Variants in RBFOX1 observed in about 807,000 individuals in gnomAD.
RBFOX1 encodes the protein RNA binding protein fox-1 homolog 1.
In RBFOX1, 8 loss-of-function variants were observed where a neutral mutation model predicts 57.7. The observed-to-expected ratio is 0.14, with a 90% confidence interval of 0.08 to 0.25. The LOEUF (loss-of-function observed/expected upper bound fraction) is 0.25, where lower values mean the gene tolerates loss of function less well. Ranked by LOEUF, RBFOX1 falls within the 10% of genes least tolerant of loss-of-function variation. The pLI, the probability that RBFOX1 is intolerant of heterozygous loss-of-function variation, is 1.00. For missense variants in RBFOX1, 611 were observed against 548.5 expected (o/e 1.11, Z -1.14); for synonymous variants, 326 against 222.4 (o/e 1.47, Z -4.15).
At chr16:5,857,366 G>C in intron 3 of RBFOX1, among the ~76,000 whole-genome samples, 1 of 152,062 alleles carries the variant, frequency 6.6e-6, no homozygotes, top group South Asian at 2.1e-4. Flanking sequence ...AAATATTGCA[G>C]GTATTACCAA....
At position 7,653,993 on chromosome 16, in the gene RBFOX1, C is replaced by G. The variant is rs528417908; in HGVS notation, c.890+46C>G. ...GGTGGGCCTCCCTGCACCAGCCCTCCCTCCCCAGAGGCACGGAGCTGTTTG... is the reference window on the plus strand; with the variant it reads ...GGTGGGCCTCCCTGCACCAGCCCTCGCTCCCCAGAGGCACGGAGCTGTTTG... On this transcript the variant is annotated intron_variant, in intron 12 of 15. Coordinates refer to ENST00000550418, the MANE Select transcript of RBFOX1 (RefSeq NM_018723.4). 5.5e-6 allele frequency: 8 copies of G among 1,448,750 alleles called. No homozygotes were observed. In the African/African-American group the frequency reaches 1.1e-4, roughly 21 times the overall value. 89.7% of individuals were successfully genotyped at this position (1,448,750 alleles called of 1,614,324 possible).
intron 3 of RBFOX1, among the ~76,000 whole-genome samples, chr16:5,755,200 C>T (rs1194553559): frequency 2.3e-5 from 3 of 133,062 alleles, no homozygotes; most frequent in Admixed American, 8.0e-5. Context: ...ACACAGCACA[C>T]GTTTCAGAGA....
chr16:5,730,815 G>A (rs531799352), intron 3 of RBFOX1, among the ~76,000 whole-genome samples: 1 of 151,796 alleles, frequency 6.6e-6, no homozygotes, highest in Non-Finnish European at 1.5e-5. Flanking sequence ...CATCAACACT[G>A]CCATTGTCAC....
intron 1 of RBFOX1, among the ~76,000 whole-genome samples, chr16:6,087,506 C>T (rs2096105390): frequency 6.6e-6 from 1 of 152,140 alleles, no homozygotes. Context: ...AATTTGGAAT[C>T]ACTGTAACCT....
chr16:6,611,999 C>T (rs201987890), intron 2 of RBFOX1, among the ~76,000 whole-genome samples: 3 of 128,030 alleles, frequency 2.3e-5, no homozygotes, highest in African/African-American at 7.8e-5. Context: ...CTCCCGAGTC[C>T]CCTTGATGAA....
At chr16:5,407,065 G>T (rs1172452342) in intron 1 of RBFOX1, among the ~76,000 whole-genome samples, 2 of 152,166 alleles carry the variant, frequency 1.3e-5, no homozygotes, top group African/African-American at 2.4e-5. Flanking sequence ...TTCCACCTGG[G>T]TGGGGAGGCC....
chr16:6,242,416 A>C (rs1444325038), intron 1 of RBFOX1, among the ~76,000 whole-genome samples: 4 of 151,316 alleles, frequency 2.6e-5, no homozygotes, highest in South Asian at 2.1e-4. Context: ...TTTTGTGGAG[A>C]CAGGATCTCA....
At chr16:6,970,294 A>G (rs577976600) in intron 3 of RBFOX1, among the ~76,000 whole-genome samples, 2 of 152,326 alleles carry the variant, frequency 1.3e-5, no homozygotes, top group East Asian at 3.9e-4. Context: ...CAACAACATC[A>G]TCACCTAGAC....
intron 3 of RBFOX1, among the ~76,000 whole-genome samples, chr16:6,852,893 C>G (rs968607750): frequency 6.6e-6 from 1 of 152,070 alleles, no homozygotes; most frequent in Non-Finnish European, 1.5e-5. Context: ...AACTAGCTGT[C>G]CACACAAGGT....
rs371750294 is a variant in RBFOX1 at position 7,648,242 on chromosome 16, C to G, written c.758-5573C>G. 6.6e-5 allele frequency among the ~76,000 whole-genome samples: 10 copies of G among 152,204 alleles called. No individual in the cohort carries two copies. In the South Asian group the frequency reaches 8.3e-4, roughly 13 times the overall value. On this transcript the variant is annotated intron_variant, in intron 11 of 15. Transcript: ENST00000550418. ...ATTTATTTATTTATTTTTTTTGAGA[C>G]TGAGTCTTGGTCTGTCACCCAGGCT... is the stretch of plus-strand genomic sequence containing the variant.
intron 4 of RBFOX1, among the ~76,000 whole-genome samples, chr16:7,484,413 TTA>T (rs2064839081): frequency 6.6e-6 from 1 of 152,212 alleles, no homozygotes; most frequent in Non-Finnish European, 1.5e-5. Context: ...ATTATTGTTG[TTA>T]TCCAAAGTGG....
chr16:5,939,395 C>A (rs1323686840), intron 4 of RBFOX1, among the ~76,000 whole-genome samples: 1 of 152,216 alleles, frequency 6.6e-6, no homozygotes, highest in Non-Finnish European at 1.5e-5. Context: ...CATGAGTTTG[C>A]AGTCATCTGA....
intron 14 of RBFOX1, among the ~76,000 whole-genome samples, chr16:7,690,912 C>T (rs567235420): frequency 1.4e-4 from 21 of 152,184 alleles, no homozygotes; most frequent in Non-Finnish European, 2.8e-4. Context: ...CTTCTGTTGT[C>T]CTGACACTGC....
At chr16:5,245,059 G>A (rs905090727) in intron 1 of RBFOX1, among the ~76,000 whole-genome samples, 2 of 152,176 alleles carry the variant, frequency 1.3e-5, no homozygotes, top group Non-Finnish European at 2.9e-5. Context: ...TTTCATTAAG[G>A]TGGTCATTTT....
chr16:6,059,693 A>G (rs1211042663), intron 1 of RBFOX1, among the ~76,000 whole-genome samples: 1 of 152,082 alleles, frequency 6.6e-6, no homozygotes, highest in Non-Finnish European at 1.5e-5. Context: ...CTTCTTCTAT[A>G]TACTTTGTTT....
At chr16:6,662,872 CA>C (rs2098710104) in intron 3 of RBFOX1, among the ~76,000 whole-genome samples, 1 of 152,110 alleles carries the variant, frequency 6.6e-6, no homozygotes, top group African/African-American at 2.4e-5. Flanking sequence ...TTCTTTAAAA[CA>C]AATACTCCCA....
chr16:5,849,404 T>G (rs533996801), intron 3 of RBFOX1, among the ~76,000 whole-genome samples: 2 of 152,032 alleles, frequency 1.3e-5, no homozygotes, highest in South Asian at 4.2e-4. Flanking sequence ...GGGAGGGGGA[T>G]GTGTCTGGGG....
intron 3 of RBFOX1, among the ~76,000 whole-genome samples, chr16:6,996,369 G>GTGTGTGTGCATATAAACATGTA (rs1568285485): frequency 6.6e-6 from 1 of 152,080 alleles, no homozygotes; most frequent in Non-Finnish European, 1.5e-5. Context: ...TTGTGCATGT[G>GTGTGTGTGCATATAAACATGTA]TGTGTGTGCA....
At chr16:6,013,531 C>G (rs1020556784) in intron 4 of RBFOX1, among the ~76,000 whole-genome samples, 2 of 152,012 alleles carry the variant, frequency 1.3e-5, no homozygotes, top group African/African-American at 4.8e-5. Context: ...TCCTAGTAAA[C>G]AAAAAGACAA....
Sources: gnomAD v4.1 joint callset for allele counts (sites outside exome capture counted in the v4.1 genomes callset) on GRCh38, gnomAD v4.1.1 for gene constraint, MANE v1.5 for transcripts, NCBI Gene and HGNC (gene_info 2026-07-23, HGNC 2026-07-21) for gene names.